MGAT4C: variants seen among roughly 807,000 people sequenced by gnomAD.
MGAT4C encodes the protein alpha-1,3-mannosyl-glycoprotein 4-beta-N-acetylglucosaminyltransferase C.
In MGAT4C, 19 loss-of-function variants were observed where a neutral mutation model predicts 40.1. That is an observed-to-expected ratio of 0.47 (90% CI 0.33 to 0.70). MGAT4C has a LOEUF of 0.70. MGAT4C is among the 30% of genes least tolerant of loss of function. The probability of loss-of-function intolerance (pLI) is 0.02; values close to 1 mark genes in which losing one functional copy is unlikely to be tolerated. For missense variants in MGAT4C, 491 were observed against 563.2 expected (o/e 0.87, Z 1.30); for synonymous variants, 181 against 187.1 (o/e 0.97, Z 0.27).
chr12:86,296,297 A>T (rs1181333127), intron 4 of MGAT4C, among the ~76,000 whole-genome samples: 2 of 151,456 alleles, frequency 1.3e-5, no homozygotes, highest in Non-Finnish European at 2.9e-5. Context: ...AGACATAAAA[A>T]CTCTCCACGT....
At chr12:86,660,186 G>A (rs917284236) in intron 2 of MGAT4C, among the ~76,000 whole-genome samples, 8 of 152,134 alleles carry the variant, frequency 5.3e-5, no homozygotes, top group Non-Finnish European at 1.2e-4. Flanking sequence ...TGAAAAGGGA[G>A]TGTAATACTT....
At chr12:86,645,062 T>G (rs1963499830) in intron 2 of MGAT4C, among the ~76,000 whole-genome samples, 1 of 151,608 alleles carries the variant, frequency 6.6e-6, no homozygotes, top group Non-Finnish European at 1.5e-5. Context: ...ATCTCATATA[T>G]ATGAATACTT....
chr12:86,265,528 G>A lies in MGAT4C; in HGVS notation c.-57+68537C>T, dbSNP rs188686254. ...TTCTGTTCCATTGATTTACGTGCCT[G>A]TTTTTTATACCAGTACCACGTTGTT... is the stretch of plus-strand genomic sequence containing the variant. On this transcript the variant is annotated intron_variant, in intron 4 of 7. Coordinates refer to the MGAT4C transcript ENST00000548651. Among the ~76,000 whole-genome samples, 143 of 152,278 alleles carry A rather than the reference G, an allele frequency of 9.4e-4. 1 individual carries two copies. The highest frequency in any genetic ancestry group is 3.4e-3 in the African/African-American group (140 of 41,560).
chr12:86,526,049 G>T (rs906201060), intron 2 of MGAT4C, among the ~76,000 whole-genome samples: 3 of 152,220 alleles, frequency 2.0e-5, no homozygotes, highest in Admixed American at 1.3e-4. Flanking sequence ...TACAATAAAT[G>T]TGGCTGGATT....
intron 1 of MGAT4C, among the ~76,000 whole-genome samples, chr12:86,153,111 G>C (rs1884497355): frequency 6.6e-6 from 1 of 152,164 alleles, no homozygotes; most frequent in Admixed American, 6.5e-5. Context: ...GTGGTGGAGA[G>C]TACCAAAGGG....
intron 2 of MGAT4C, among the ~76,000 whole-genome samples, chr12:86,519,847 T>C (rs1473004160): frequency 6.6e-6 from 1 of 152,194 alleles, no homozygotes; most frequent in Non-Finnish European, 1.5e-5. Flanking sequence ...TCTCCCATTC[T>C]GTGGGTTATT....
chr12:86,625,584 G>A (rs1444126337), intron 2 of MGAT4C, among the ~76,000 whole-genome samples: 5 of 152,010 alleles, frequency 3.3e-5, no homozygotes, highest in African/African-American at 9.7e-5. Flanking sequence ...ATAAGAAAAT[G>A]AATAAAGAGA....
At chr12:86,488,011 A>T (rs1023708193) in intron 2 of MGAT4C, among the ~76,000 whole-genome samples, 1 of 152,196 alleles carries the variant, frequency 6.6e-6, no homozygotes, top group Non-Finnish European at 1.5e-5. Flanking sequence ...TTTAATTCAT[A>T]ACTCACAAGA....
chr12:86,125,553 A>T (rs959885234), intron 1 of MGAT4C, among the ~76,000 whole-genome samples: 3 of 152,182 alleles, frequency 2.0e-5, no homozygotes, highest in African/African-American at 7.2e-5. Context: ...TAAACAACAA[A>T]TAAGAATGGC....
At chr12:86,638,597 A>G (rs1963291278) in intron 2 of MGAT4C, among the ~76,000 whole-genome samples, 1 of 151,816 alleles carries the variant, frequency 6.6e-6, no homozygotes, top group Non-Finnish European at 1.5e-5. Flanking sequence ...CAATTCTCTG[A>G]GTTAAGTAAA....
chr12:86,567,081 G>A (rs938992022), intron 2 of MGAT4C, among the ~76,000 whole-genome samples: 2 of 152,018 alleles, frequency 1.3e-5, no homozygotes, highest in African/African-American at 4.8e-5. Flanking sequence ...ACAATACTTT[G>A]CAGGGCTGTG....
intron 2 of MGAT4C, among the ~76,000 whole-genome samples, chr12:86,451,390 T>G (rs1468758349): frequency 6.6e-6 from 1 of 152,202 alleles, no homozygotes; most frequent in Non-Finnish European, 1.5e-5. Flanking sequence ...CATCTTTTCT[T>G]ATAAAGTAGC....
chr12:86,670,112 A>G (rs1012210692), intron 2 of MGAT4C, among the ~76,000 whole-genome samples: 1 of 152,180 alleles, frequency 6.6e-6, no homozygotes, highest in Non-Finnish European at 1.5e-5. Context: ...GTGTTTCCAA[A>G]TGAGAATGAA....
At chr12:86,086,224 T>A (rs780927087) in intron 1 of MGAT4C, among the ~76,000 whole-genome samples, 5 of 151,928 alleles carry the variant, frequency 3.3e-5, no homozygotes, top group Non-Finnish European at 7.4e-5. Flanking sequence ...AAAGAATGAG[T>A]TCATGTCTTT....
At chr12:86,149,456 T>A (rs1315310416) in intron 1 of MGAT4C, among the ~76,000 whole-genome samples, 1 of 152,230 alleles carries the variant, frequency 6.6e-6, no homozygotes, top group Non-Finnish European at 1.5e-5. Context: ...TAAGTTTTCT[T>A]GTGTCACTTC....
chr12:85,991,941 G>T (rs1208565493), intron 2 of MGAT4C, among the ~76,000 whole-genome samples: 1 of 152,158 alleles, frequency 6.6e-6, no homozygotes, highest in Non-Finnish European at 1.5e-5. Context: ...GGCAGGGGTG[G>T]TGACCAGCGA....
At chr12:86,456,696 A>G (rs1249175047) in intron 2 of MGAT4C, among the ~76,000 whole-genome samples, 1 of 152,102 alleles carries the variant, frequency 6.6e-6, no homozygotes, top group Non-Finnish European at 1.5e-5. Context: ...CTTTTAGCAA[A>G]GAAAGCCTGA....
At chr12:86,750,530 G>A (rs1478343820) in intron 1 of MGAT4C, among the ~76,000 whole-genome samples, 1 of 151,746 alleles carries the variant, frequency 6.6e-6, no homozygotes, top group Non-Finnish European at 1.5e-5. Context: ...ACTTGTCCAT[G>A]GTAGTCTTTC....
chr12:86,779,152 C>A (rs949431787), intron 1 of MGAT4C, among the ~76,000 whole-genome samples: 8 of 152,010 alleles, frequency 5.3e-5, no homozygotes, highest in African/African-American at 1.4e-4. Flanking sequence ...AAACTTAGGA[C>A]TCTTCCCTTA....
Sources: gnomAD v4.1 joint callset for allele counts (sites outside exome capture counted in the v4.1 genomes callset) on GRCh38, gnomAD v4.1.1 for gene constraint, MANE v1.5 for transcripts, NCBI Gene and HGNC (gene_info 2026-07-23, HGNC 2026-07-21) for gene names.